The following RAPGEF4 variants were observed in gnomAD, a reference collection of about 807,000 sequenced individuals.
The protein encoded by RAPGEF4 is RAP guanine-nucleotide-exchange factor (GEF) 4.
Under a neutral mutation model 147.9 loss-of-function variants are expected in RAPGEF4, and 66 were observed. The ratio of observed to expected loss-of-function variants is 0.45; its 90% CI spans 0.37 to 0.55. The LOEUF is 0.55. Among genes scored for constraint, RAPGEF4 ranks in the 20% least tolerant of loss-of-function variants. The pLI, the probability that RAPGEF4 is intolerant of heterozygous loss-of-function variation, is 0.00. For synonymous variants in RAPGEF4, 419 were observed against 442.7 expected, an observed-to-expected ratio of 0.95 and a Z score of 0.67; for missense variants, 1,071 against 1,257.3, an observed-to-expected ratio of 0.85 and a Z score of 2.24.
intron 10 of RAPGEF4, among the ~76,000 whole-genome samples, chr2:172,967,956 C>T (rs1009747686): frequency 7.2e-5 from 11 of 152,198 alleles, no homozygotes; most frequent in African/African-American, 2.7e-4. Context: ...CCTGTCAAGG[C>T]CCCCATTGAG....
At chr2:172,902,538 A>G (rs1699182625) in intron 4 of RAPGEF4, among the ~76,000 whole-genome samples, 1 of 151,952 alleles carries the variant, frequency 6.6e-6, no homozygotes, top group Non-Finnish European at 1.5e-5. Flanking sequence ...CTGGATCTTT[A>G]AGCTTATATC....
chr2:172,956,472 CTTT>C lies in RAPGEF4; in HGVS notation c.538-4275_538-4273del, dbSNP rs35815206. ...TTTTATTGTTACAAAGTTTCTTTTT[CTTT>C]TTTTTTTTTTTTGAGATGGAATCTC... On this transcript the variant is annotated intron_variant, in intron 6 of 30. Coordinates refer to ENST00000397081, the MANE Select transcript of RAPGEF4 (RefSeq NM_007023.4). Among the ~76,000 whole-genome samples, 54 of 136,226 alleles carry C rather than the reference CTTT, an allele frequency of 4.0e-4. No individual in the cohort carries two copies. The East Asian group carries it at 0.011, about 27-fold the overall frequency. The allele number at this position is 136,226 out of a possible 152,430, so 89.4% of individuals were successfully genotyped here.
At chr2:173,008,071 C>CT (rs1281612568) in intron 17 of RAPGEF4, among the ~76,000 whole-genome samples, 1 of 151,238 alleles carries the variant, frequency 6.6e-6, no homozygotes, top group Non-Finnish European at 1.5e-5. Flanking sequence ...CGGGTGTGGC[C>CT]CCCCCATGCT....
chr2:172,784,315 G>A (rs562000699), intron 1 of RAPGEF4, among the ~76,000 whole-genome samples: 2 of 152,118 alleles, frequency 1.3e-5, no homozygotes, highest in South Asian at 2.1e-4. Flanking sequence ...TCTGGAGATC[G>A]AGACCATCTT....
Position 173,009,493 on chromosome 2 carries a change from A to G in RAPGEF4, c.1659-4971A>G, listed in dbSNP as rs537942955. Among the ~76,000 whole-genome samples, 13 of 152,324 alleles carry G rather than the reference A, an allele frequency of 8.5e-5. No individual in the cohort carries two copies. In the East Asian group the frequency reaches 2.5e-3, roughly 29 times the overall value. ...AGAAATACTTTATTACAGTTTAAGT[A>G]TTCCTAATCTGAAAATCCAAAATCC... On this transcript the variant is annotated intron_variant, in intron 17 of 30. Transcript: ENST00000397081.
intron 10 of RAPGEF4, among the ~76,000 whole-genome samples, chr2:172,976,583 C>G (rs1336739938): frequency 1.3e-5 from 2 of 152,200 alleles, no homozygotes; most frequent in Non-Finnish European, 2.9e-5. Flanking sequence ...CGAAGCTTGA[C>G]CATGGCTTAT....
At chr2:172,860,137 A>G in intron 4 of RAPGEF4, 3 of 985,430 alleles carry the variant, frequency 3.0e-6, no homozygotes, top group Non-Finnish European at 3.6e-6. Context: ...AAGCCAAGAT[A>G]AATCAGTCCA....
intron 10 of RAPGEF4, among the ~76,000 whole-genome samples, chr2:172,969,128 G>T (rs1690188357): frequency 6.6e-6 from 1 of 152,232 alleles, no homozygotes; most frequent in South Asian, 2.1e-4. Flanking sequence ...ACAATAAAGA[G>T]CTGTCCTGAG....
rs145531133 is a variant in RAPGEF4 at position 172,903,915 on chromosome 2, CATA to C, written c.445-13885_445-13883del. On this transcript the variant is annotated intron_variant, in intron 4 of 30. Transcript: ENST00000397081. Reference sequence around the variant, plus strand: ...CTCTGAGCCGGCAGTCTTCCTGCCCCATAAATCTCCACTCAATCCCCTCTACCT... The same window carrying C: ...CTCTGAGCCGGCAGTCTTCCTGCCCCAATCTCCACTCAATCCCCTCTACCT... 8.3e-3 allele frequency among the ~76,000 whole-genome samples: 1,261 copies of C among 152,298 alleles called. 14 individuals carry two copies. The highest frequency in any genetic ancestry group is 0.015 in the Admixed American group (236 of 15,308).
At chr2:172,747,952 G>T (rs919391477) in intron 1 of RAPGEF4, among the ~76,000 whole-genome samples, 1 of 152,236 alleles carries the variant, frequency 6.6e-6, no homozygotes, top group East Asian at 1.9e-4. Flanking sequence ...TTCACTTAGC[G>T]TACTGTCCTT....
chr2:173,003,044 G>A (rs910123777), intron 17 of RAPGEF4, among the ~76,000 whole-genome samples: 1 of 151,988 alleles, frequency 6.6e-6, no homozygotes, highest in Non-Finnish European at 1.5e-5. Flanking sequence ...ATAAGCCTAA[G>A]GCAAACAAAA....
intron 4 of RAPGEF4, among the ~76,000 whole-genome samples, chr2:172,901,178 A>T (rs1402084557): frequency 1.3e-5 from 2 of 152,232 alleles, no homozygotes; most frequent in Non-Finnish European, 2.9e-5. Context: ...AGTGGGCCAC[A>T]CATGGGTTTT....
intron 4 of RAPGEF4, among the ~76,000 whole-genome samples, chr2:172,900,437 C>T (rs1474998207): frequency 2.6e-5 from 4 of 152,124 alleles, no homozygotes; most frequent in Non-Finnish European, 4.4e-5. Flanking sequence ...ATGGGTCTTG[C>T]CATGTTGTCC....
intron 1 of RAPGEF4, 198 bp downstream of exon 1, chr2:172,736,246 T>A (rs1346254569): frequency 2.4e-5 from 9 of 368,702 alleles, no homozygotes; most frequent in Non-Finnish European, 4.3e-5. Flanking sequence ...GCCAGCGGCA[T>A]GAGATTATTA....
intron 9 of RAPGEF4, among the ~76,000 whole-genome samples, chr2:172,966,175 T>G (rs1480623625): frequency 1.3e-5 from 2 of 152,234 alleles, no homozygotes; most frequent in African/African-American, 4.8e-5. Flanking sequence ...TGCTCTGCAA[T>G]TGTGGCTCTT....
intron 4 of RAPGEF4, among the ~76,000 whole-genome samples, chr2:172,855,519 C>T (rs2149753228): frequency 6.6e-6 from 1 of 152,228 alleles, no homozygotes; most frequent in South Asian, 2.1e-4. Context: ...TTGACATTTC[C>T]AGTGATCTTC....
chr2:172,837,549 A>T (rs1313129530), intron 4 of RAPGEF4, among the ~76,000 whole-genome samples: 1 of 152,212 alleles, frequency 6.6e-6, no homozygotes, highest in Non-Finnish European at 1.5e-5. Context: ...ATGCAGTTTC[A>T]ACCTTCTTTA....
chr2:172,942,870 A>G lies in RAPGEF4; in HGVS notation c.538-17890A>G, dbSNP rs1453727774. ...TTTTGCATGCTGCTTCTTGTTCTCC[A>G]TCTTCATACTTGGGCATGTGTTTGC... On this transcript the variant is annotated intron_variant, in intron 6 of 30. Coordinates refer to ENST00000397081, the MANE Select transcript of RAPGEF4 (RefSeq NM_007023.4). 3.9e-5 allele frequency among the ~76,000 whole-genome samples: 6 copies of G among 152,260 alleles called. 1 individual carries two copies. The Middle Eastern group carries it at 0.017, about 432-fold the overall frequency.
At chr2:172,898,977 C>G (rs768235947) in intron 4 of RAPGEF4, among the ~76,000 whole-genome samples, 1 of 152,136 alleles carries the variant, frequency 6.6e-6, no homozygotes, top group Non-Finnish European at 1.5e-5. Context: ...TTAAATATAC[C>G]TCACTGTATT....
Sources: allele counts gnomAD v4.1 joint callset (sites outside exome capture counted in the v4.1 genomes callset), GRCh38; gene constraint gnomAD v4.1.1; transcripts MANE v1.5; gene names NCBI Gene and HGNC (gene_info 2026-07-23, HGNC 2026-07-21).